The following GOLGB1 variants were observed in gnomAD, a reference collection of about 807,000 sequenced individuals.
The protein encoded by GOLGB1 is golgin B1.
Under a neutral mutation model 336.9 loss-of-function variants are expected in GOLGB1, and 174 were observed. The ratio of observed to expected loss-of-function variants is 0.52; its 90% CI spans 0.46 to 0.59. GOLGB1 has a LOEUF of 0.59. Ranked by LOEUF, GOLGB1 falls within the 20% of genes least tolerant of loss-of-function variation. The pLI, the probability that GOLGB1 is intolerant of heterozygous loss-of-function variation, is 0.00. For synonymous variants in GOLGB1, 1,208 were observed against 1,289.2 expected (o/e 0.94, Z 1.35); for missense variants, 3,331 against 3,645.3 (o/e 0.91, Z 2.22).
At chr3:121,711,776 T>A (rs1027365693) in intron 10 of GOLGB1, among the ~76,000 whole-genome samples, 1 of 152,214 alleles carries the variant, frequency 6.6e-6, no homozygotes, top group Non-Finnish European at 1.5e-5. Flanking sequence ...ATAATGTGCA[T>A]AATTTCTCCA....
At chr3:121,688,431 G>C (rs780276347) in intron 14 of GOLGB1, among the ~76,000 whole-genome samples, 7 of 152,258 alleles carry the variant, frequency 4.6e-5, no homozygotes, top group Non-Finnish European at 8.8e-5. Flanking sequence ...CGAGTGATCC[G>C]CCAACCTCGG....
Position 121,694,707 on chromosome 3 carries a change from T to C in GOLGB1, c.5816A>G (p.Asn1939Ser), listed in dbSNP as rs773162869. 9.9e-6 allele frequency: 16 copies of C among 1,612,082 alleles called. 1 individual carries two copies. In the South Asian group the frequency reaches 1.8e-4, roughly 18 times the overall value. ...ERLMNQLAEL[N>S]GSIGNYCQDV... ...CTGACAGTAATTCCCAATGCTTCCA[T>C]TAAGTTCTGCTAATTGATTCATAAG... Residue 1939 changes from asparagine to serine, a missense_variant, in exon 13 of 22, where the codon AAT (asparagine) becomes AGT (serine). Physicochemically the swap from Asn to Ser is conservative, Grantham distance 46. Coordinates refer to ENST00000614479, the MANE Select transcript of GOLGB1 (RefSeq NM_001366282.2).
At position 121,698,838 on chromosome 3, in the gene GOLGB1, T is replaced by G; in HGVS notation, c.1685A>C (p.Lys562Thr). 1.2e-6 allele frequency: 2 copies of G among 1,612,364 alleles called. No individual in the cohort carries two copies. The highest frequency in any genetic ancestry group is 1.7e-6 in the Non-Finnish European group (2 of 1,178,790). ...TTCCAACAATAAAACTGATAATTCTTTATGTTTCTGAGAAAATGTGTTTTC... is the reference window on the plus strand; with the variant it reads ...TTCCAACAATAAAACTGATAATTCTGTATGTTTCTGAGAAAATGTGTTTTC... ...VLENTFSQKH[K>T]ELSVLLLEMK... Residue 562 changes from lysine (K) to threonine (T), a missense_variant, in exon 13 of 22, where the codon AAA (lysine) becomes ACA (threonine). Lys to Thr is a moderately conservative substitution (Grantham distance 78). Transcript: ENST00000614479.
chr3:121,677,028 T>G lies in GOLGB1; in HGVS notation c.9042A>C (p.Ala3014=). 1 of 1,614,038 alleles carries G rather than the reference T, an allele frequency of 6.2e-7. No individual in the cohort carries two copies. Among genetic ancestry groups the G allele is most frequent in the Non-Finnish European group, 8.5e-7 (1 of 1,179,934 alleles). The part of the protein sequence containing the change: ...QPLKVQYQRQ[A]SPETSASPDG... ...CTGGGGAAGCTGATGTCTCTGGGGATGCCTGCCAGGACACAAACATTGATC... is the reference window on the plus strand; with the variant it reads ...CTGGGGAAGCTGATGTCTCTGGGGAGGCCTGCCAGGACACAAACATTGATC... The change falls in exon 17 of 22, where the codon GCA becomes GCC. Residue 3014 remains alanine (A), a splice_region_variant and synonymous_variant. Transcript: ENST00000614479.
At position 121,663,652 on chromosome 3, in the gene GOLGB1, T is replaced by TG. The variant is rs1358056515; in HGVS notation, c.*827dup. On this transcript the variant is annotated 3_prime_UTR_variant, in exon 22 of 22. Coordinates refer to ENST00000614479, the MANE Select transcript of GOLGB1 (RefSeq NM_001366282.2). Reference sequence around the variant, plus strand: ...GTCAATGCCTAATATTGGCTCCCAGTGGCCCCTGAGCACTGTCTCAGGGTC... The same window carrying TG: ...GTCAATGCCTAATATTGGCTCCCAGTGGGCCCCTGAGCACTGTCTCAGGGTC... 4 of 152,138 alleles carry TG rather than the reference T, an allele frequency of 2.6e-5. No individual in the cohort carries two copies. The highest frequency in any genetic ancestry group is 9.7e-5 in the African/African-American group (4 of 41,414). 9.4% of individuals were successfully genotyped at this position (152,138 alleles called of 1,614,324 possible).
intron 17 of GOLGB1, among the ~76,000 whole-genome samples, chr3:121,672,329 A>G (rs1204167295): frequency 1.3e-5 from 2 of 152,200 alleles, no homozygotes; most frequent in Admixed American, 1.3e-4. Context: ...ATTTCAGCAA[A>G]GGTGAGATGA....
chr3:121,689,025 GC>G (rs1200926109), intron 14 of GOLGB1, among the ~76,000 whole-genome samples: 2 of 150,518 alleles, frequency 1.3e-5, no homozygotes, highest in African/African-American at 4.9e-5. Flanking sequence ...GGGGGGGTCA[GC>G]CCCCCGCCCA....
At chr3:121,724,260 A>G (rs1945395506) in intron 5 of GOLGB1, among the ~76,000 whole-genome samples, 1 of 152,208 alleles carries the variant, frequency 6.6e-6, no homozygotes, top group South Asian at 2.1e-4. Context: ...GAGATTGGTT[A>G]AGCGGTTGTG....
At position 121,681,830 on chromosome 3, in the gene GOLGB1, T is replaced by C; in HGVS notation, c.8730A>G (p.Leu2910=). Residue 2910 remains leucine, a synonymous_variant, in exon 15 of 22, where the codon TTA becomes TTG. Transcript: ENST00000614479. ...KELKNLQQQY[L]QINQEITELH... The stretch of plus-strand genomic sequence containing the variant: ...ACTCAGTGATCTCTTGATTAATCTG[T>C]AAGTATTGCTGCTGCAGATTCTTCA... The C allele has an allele frequency of 6.2e-7, 1 of 1,606,464 alleles. No homozygotes were observed.
In GOLGB1 at chr3:121,714,946, C is replaced by T. The variant is rs769522785; in HGVS notation, c.1319G>A (p.Ser440Asn). 1.2e-6 allele frequency: 2 copies of T among 1,611,434 alleles called. No individual in the cohort carries two copies. Among genetic ancestry groups the T allele is most frequent in the Non-Finnish European group, 1.7e-6 (2 of 1,177,964 alleles). Residue 440 changes from serine to asparagine, a missense_variant, in exon 10 of 22, where the codon AGC becomes AAC. By Grantham distance (46) the Ser-to-Asn change is conservative. Coordinates refer to ENST00000614479, the MANE Select transcript of GOLGB1 (RefSeq NM_001366282.2). ...CAAGGGCAGTCTATTTAGAAATTGG[C>T]TAATTTCTTTGGATTTTTGCTGGAG... is the stretch of plus-strand genomic sequence containing the variant. ...DQLQQKSKEI[S>N]QFLNRLPLQQ...
At chr3:121,717,164 G>A (rs1252575631) in intron 8 of GOLGB1, 25 bp from the exon 9 acceptor site, 7 of 1,560,550 alleles carry the variant, frequency 4.5e-6, no homozygotes, top group Non-Finnish European at 6.1e-6. Context: ...AAAGTCTCAT[G>A]AGCCATAAAT....
At chr3:121,701,800 G>C (rs1457494051) in intron 11 of GOLGB1, among the ~76,000 whole-genome samples, 1 of 152,104 alleles carries the variant, frequency 6.6e-6, no homozygotes, top group African/African-American at 2.4e-5. Flanking sequence ...TGCCCTTGAA[G>C]AGCTTATATT....
Position 121,696,624 on chromosome 3 carries a change from G to C in GOLGB1, c.3899C>G (p.Ala1300Gly), listed in dbSNP as rs148696334. ...AGAAGTTCCGCCCTGCAGAGCACTC[G>C]CATCTTCAGAATGAGAAGGCCAGTC... ...CPDWPSHSEDASALQGGTSVA... is the reference protein window; with the variant it reads ...CPDWPSHSEDGSALQGGTSVA... The change falls in exon 13 of 22, where the codon GCG (alanine) becomes GGG (glycine). Residue 1300 changes from alanine to glycine, a missense_variant. Ala to Gly is a moderately conservative substitution (Grantham distance 60, BLOSUM62 0). Transcript: ENST00000614479. 9.9e-5 allele frequency: 159 copies of C among 1,613,976 alleles called. No homozygotes were observed. The highest frequency in any genetic ancestry group is 1.2e-4 in the Non-Finnish European group (147 of 1,180,006).
intron 5 of GOLGB1, among the ~76,000 whole-genome samples, chr3:121,726,674 T>C (rs1945641096): frequency 6.6e-6 from 1 of 151,834 alleles, no homozygotes; most frequent in African/African-American, 2.4e-5. Flanking sequence ...ACTTAAAATA[T>C]GTGAAACCAT....
chr3:121,724,411 T>A (rs948058779), intron 5 of GOLGB1, among the ~76,000 whole-genome samples: 1 of 152,100 alleles, frequency 6.6e-6, no homozygotes, highest in Non-Finnish European at 1.5e-5. Flanking sequence ...ACTTGTCCAG[T>A]TTTTGTATGG....
intron 14 of GOLGB1, among the ~76,000 whole-genome samples, chr3:121,684,084 T>A (rs1251843982): frequency 7.9e-6 from 1 of 126,492 alleles, no homozygotes; most frequent in Non-Finnish European, 1.5e-5. Flanking sequence ...GCCAAGATCA[T>A]GCCATTGCAC....
rs540573832 is a variant in GOLGB1 at position 121,724,604 on chromosome 3, G to A, written c.532-2226C>T. Among the ~76,000 whole-genome samples the A allele has an allele frequency of 4.6e-5, 7 of 152,182 alleles. No homozygotes were observed. The South Asian group carries it at 1.2e-3, about 27-fold the overall frequency. ...GGAAAATTTGCAACCTGGCCATGTGGTAAAGAATGGAGAAGATTTCAGGAT... is the reference window on the plus strand; with the variant it reads ...GGAAAATTTGCAACCTGGCCATGTGATAAAGAATGGAGAAGATTTCAGGAT... On this transcript the variant is annotated intron_variant, in intron 5 of 21. Coordinates refer to ENST00000614479, the MANE Select transcript of GOLGB1 (RefSeq NM_001366282.2).
intron 14 of GOLGB1, among the ~76,000 whole-genome samples, chr3:121,683,481 A>G (rs1485701837): frequency 6.6e-6 from 1 of 152,180 alleles, no homozygotes; most frequent in African/African-American, 2.4e-5. Context: ...CCAGCCCAAG[A>G]AAAACTAAAG....
At position 121,720,493 on chromosome 3, in the gene GOLGB1, T is replaced by C. The variant is rs111465253; in HGVS notation, c.649-725A>G. Reference sequence around the variant, plus strand: ...GTGTGCATCTGCTTATTCATCTCCTTAAGATCTATGGTGGAGCATGCTGCT... The same window carrying C: ...GTGTGCATCTGCTTATTCATCTCCTCAAGATCTATGGTGGAGCATGCTGCT... On this transcript the variant is annotated intron_variant, in intron 6 of 21. Coordinates refer to ENST00000614479, the MANE Select transcript of GOLGB1 (RefSeq NM_001366282.2). 9.8e-5 allele frequency among the ~76,000 whole-genome samples: 15 copies of C among 152,352 alleles called. 1 individual carries two copies. Among genetic ancestry groups the C allele is most frequent in the South Asian group, 4.1e-4 (2 of 4,828 alleles).
Sources: gnomAD v4.1 joint callset for allele counts (sites outside exome capture counted in the v4.1 genomes callset) on GRCh38, gnomAD v4.1.1 for gene constraint, MANE v1.5 for transcripts, NCBI Gene and HGNC (gene_info 2026-07-23, HGNC 2026-07-21) for gene names.